Variants in ZNF407 observed in about 807,000 individuals in gnomAD.
ZNF407 encodes zinc finger protein 407.
ZNF407 carries 17 observed loss-of-function variants against 131.2 expected under a neutral mutation model. The observed-to-expected ratio is 0.13, with a 90% CI of 0.09 to 0.19. The LOEUF is 0.19. Among genes scored for constraint, ZNF407 ranks in the 10% least tolerant of loss-of-function variants. ZNF407 has a pLI of 1.00. For missense variants in ZNF407, 2,681 were observed against 2,830.6 expected (o/e 0.95, Z 1.20); for synonymous variants, 1,156 against 1,062.0 (o/e 1.09, Z -1.72).
intron 8 of ZNF407, among the ~76,000 whole-genome samples, chr18:74,988,197 T>C (rs1972675818): frequency 6.6e-6 from 1 of 152,196 alleles, no homozygotes; most frequent in South Asian, 2.1e-4. Context: ...TTCTGAAATA[T>C]TATATATCCA....
chr18:74,983,980 A>G (rs1311239419), intron 8 of ZNF407, among the ~76,000 whole-genome samples: 1 of 152,230 alleles, frequency 6.6e-6, no homozygotes, highest in Non-Finnish European at 1.5e-5. Context: ...TAATAATTAT[A>G]CATCAGTCTG....
chr18:74,994,050 A>G (rs1313311359), intron 8 of ZNF407, among the ~76,000 whole-genome samples: 1 of 152,240 alleles, frequency 6.6e-6, no homozygotes, highest in African/African-American at 2.4e-5. Flanking sequence ...GCTATAAACC[A>G]CATTGTTGGA....
At chr18:74,824,992 A>C (rs944606113) in intron 4 of ZNF407, among the ~76,000 whole-genome samples, 1 of 152,196 alleles carries the variant, frequency 6.6e-6, no homozygotes, top group Admixed American at 6.5e-5. Flanking sequence ...ATCCAGCAGC[A>C]CATCAAAAAG....
chr18:74,776,370 C>A (rs2404474), intron 3 of ZNF407, among the ~76,000 whole-genome samples: 120,993 of 152,130 alleles, frequency 0.8, 48,334 homozygotes, highest in East Asian at 0.99. Context: ...CTGACTGAGT[C>A]CTGTAAGCAT....
At chr18:74,781,530 A>G in intron 4 of ZNF407, 28 bp downstream of exon 4, 1 of 1,460,376 alleles carries the variant, frequency 6.8e-7, no homozygotes, top group Non-Finnish European at 9.1e-7. Flanking sequence ...TTTTTCATTT[A>G]AAAATACAAT....
intron 7 of ZNF407, among the ~76,000 whole-genome samples, chr18:74,919,262 A>G (rs576916078): frequency 2.0e-5 from 3 of 152,256 alleles, no homozygotes; most frequent in Non-Finnish European, 4.4e-5. Flanking sequence ...AGTTATTTTC[A>G]CTTCCTTGAC....
intron 4 of ZNF407, among the ~76,000 whole-genome samples, chr18:74,786,250 T>G (rs1176290253): frequency 1.3e-5 from 2 of 152,228 alleles, no homozygotes; most frequent in African/African-American, 4.8e-5. Context: ...AGGTAAATAC[T>G]GTTATCCATT....
chr18:74,924,264 G>T (rs1204303812), intron 8 of ZNF407, among the ~76,000 whole-genome samples: 4 of 151,980 alleles, frequency 2.6e-5, no homozygotes, highest in Non-Finnish European at 5.9e-5. Context: ...AGACACAGTT[G>T]TGTTCAGTTT....
intron 7 of ZNF407, chr18:74,905,686 A>G (rs1025838282): frequency 3.3e-5 from 5 of 152,264 alleles, no homozygotes; most frequent in African/African-American, 1.2e-4. Context: ...AATGTGCATC[A>G]ATTTGTCCTA....
At chr18:74,637,986 C>T (rs867133338) in intron 2 of ZNF407, among the ~76,000 whole-genome samples, 22 of 152,198 alleles carry the variant, frequency 1.4e-4, no homozygotes, top group African/African-American at 5.3e-4. Context: ...TTTCACATTA[C>T]ATTAGCAGGA....
chr18:74,909,085 T>C (rs1379713587), intron 7 of ZNF407, among the ~76,000 whole-genome samples: 2 of 150,580 alleles, frequency 1.3e-5, no homozygotes, highest in African/African-American at 4.9e-5. Flanking sequence ...GTAATTCTTT[T>C]TGTGGATGTG....
chr18:74,761,009 G>C (rs1225838266), intron 3 of ZNF407, among the ~76,000 whole-genome samples: 6 of 152,016 alleles, frequency 3.9e-5, no homozygotes, highest in Admixed American at 1.3e-4. Context: ...TTCCCATTCT[G>C]GCTGTCCCTC....
At chr18:75,035,501 C>G (rs1973298050) in intron 8 of ZNF407, among the ~76,000 whole-genome samples, 1 of 152,202 alleles carries the variant, frequency 6.6e-6, no homozygotes, top group African/African-American at 2.4e-5. Context: ...GAATGGACCT[C>G]AGGGTCTCGT....
At chr18:75,025,230 A>C (rs1175432965) in intron 8 of ZNF407, among the ~76,000 whole-genome samples, 1 of 152,196 alleles carries the variant, frequency 6.6e-6, no homozygotes, top group African/African-American at 2.4e-5. Context: ...ACGTTTCTAG[A>C]TATTAACTGA....
intron 4 of ZNF407, among the ~76,000 whole-genome samples, chr18:74,803,080 G>A (rs1970048266): frequency 6.6e-6 from 1 of 152,004 alleles, no homozygotes; most frequent in Non-Finnish European, 1.5e-5. Flanking sequence ...GTTCCAGGGT[G>A]GTAGCTAATG....
intron 1 of ZNF407, among the ~76,000 whole-genome samples, chr18:74,626,911 G>T (rs1983809176): frequency 6.6e-6 from 1 of 152,218 alleles, no homozygotes; most frequent in Admixed American, 6.5e-5. Flanking sequence ...TAGGATGGCA[G>T]GGCTGTATCC....
chr18:74,915,477 AGTGTGTGT>A (rs35034618), intron 7 of ZNF407, among the ~76,000 whole-genome samples: 6 of 87,258 alleles, frequency 6.9e-5, no homozygotes, highest in South Asian at 9.2e-4. Context: ...TCGAATCGGG[AGTGTGTGT>A]GTGTGTGTGT....
chr18:74,792,397 T>C (rs1436352594), intron 4 of ZNF407, among the ~76,000 whole-genome samples: 1 of 151,370 alleles, frequency 6.6e-6, no homozygotes, highest in Non-Finnish European at 1.5e-5. Flanking sequence ...CACTGTGCAT[T>C]ATAGTGTTTA....
chr18:75,037,403 T>C (rs1461391661), intron 8 of ZNF407, among the ~76,000 whole-genome samples: 1 of 152,112 alleles, frequency 6.6e-6, no homozygotes, highest in Non-Finnish European at 1.5e-5. Flanking sequence ...ATTGTGTTGC[T>C]GACAGACTAG....
Sources: gnomAD v4.1 joint callset for allele counts (sites outside exome capture counted in the v4.1 genomes callset) on GRCh38, gnomAD v4.1.1 for gene constraint, MANE v1.5 for transcripts, NCBI Gene and HGNC (gene_info 2026-07-23, HGNC 2026-07-21) for gene names.